ACLY: variants seen among roughly 807,000 people sequenced by gnomAD.
ACLY encodes ATP citrate lyase.
Under a neutral mutation model 133.0 loss-of-function variants are expected in ACLY, and 41 were observed. The ratio of observed to expected loss-of-function variants is 0.31; its 90% CI spans 0.24 to 0.40. The LOEUF (loss-of-function observed/expected upper bound fraction) is 0.40, where lower values mean the gene tolerates loss of function less well. Among genes scored for constraint, ACLY ranks in the 10% least tolerant of loss-of-function variants. The pLI, the probability that ACLY is intolerant of heterozygous loss-of-function variation, is 1.00. For missense variants in ACLY, 1,046 were observed against 1,453.8 expected, an observed-to-expected ratio of 0.72 and a Z score of 4.56; for synonymous variants, 495 against 549.3, an observed-to-expected ratio of 0.90 and a Z score of 1.38.
At position 41,901,669 on chromosome 17, in the gene ACLY, G is replaced by C. The variant is rs1555631627; in HGVS notation, c.1183+27C>G. On this transcript the variant is annotated intron_variant, in intron 11 of 28. Transcript: ENST00000352035. ...GGAAGGCCACCCACACTCAGGGTGA[G>C]GGGGAGAGAAAAGGTCCTCATCTTA... The C allele has an allele frequency of 3.1e-6, 5 of 1,588,100 alleles. No homozygotes were observed. In the East Asian group the frequency reaches 6.8e-5, roughly 21 times the overall value.
chr17:41,869,587 T>C lies in ACLY; in HGVS notation c.2938A>G (p.Ile980Val). ...TGCACTCGCATGTCTGGGTTGTTTATCTAGAAATGAACCCAACGGTACAGA... is the reference window on the plus strand; with the variant it reads ...TGCACTCGCATGTCTGGGTTGTTTACCTAGAAATGAACCCAACGGTACAGA... ...IMGIGHRVKS[I>V]NNPDMRVQIL... Residue 980 changes from isoleucine (I) to valine (V), a missense_variant and splice_region_variant, in exon 26 of 29, where the codon ATA becomes GTA. Physicochemically the swap from Ile to Val is conservative, Grantham distance 29. This residue lies in a region of ACLY where 205 missense variants were observed against 373.3 expected (regional missense o/e 0.55). Transcript: ENST00000352035. 1 of 1,612,902 alleles carries C rather than the reference T, an allele frequency of 6.2e-7. No homozygotes were observed.
intron 17 of ACLY, among the ~76,000 whole-genome samples, 165 bp from the exon 18 acceptor site, chr17:41,886,473 CCT>C (rs1245672503): frequency 6.6e-6 from 1 of 152,102 alleles, no homozygotes; most frequent in Non-Finnish European, 1.5e-5. Context: ...AGGAAAGTCT[CCT>C]CTCTCTCTCA....
intron 22 of ACLY, among the ~76,000 whole-genome samples, chr17:41,876,317 C>G (rs2048755366): frequency 6.6e-6 from 1 of 151,458 alleles, no homozygotes; most frequent in Non-Finnish European, 1.5e-5. Flanking sequence ...GCCCGGCCAG[C>G]CGCCCCGTCC....
At chr17:41,871,185 A>G (rs2048587718) in intron 25 of ACLY, among the ~76,000 whole-genome samples, 1 of 152,212 alleles carries the variant, frequency 6.6e-6, no homozygotes, top group Non-Finnish European at 1.5e-5. Context: ...GAACGACAGA[A>G]AAACTGTTAA....
chr17:41,872,227 T>C (rs2048616621), intron 23 of ACLY, 45 bp from the exon 24 acceptor site: 3 of 1,578,054 alleles, frequency 1.9e-6, no homozygotes, highest in Non-Finnish European at 1.7e-6. Flanking sequence ...GACAAGGCCA[T>C]GCTCGTACTT....
chr17:41,882,590 T>C (rs782701019), intron 20 of ACLY, among the ~76,000 whole-genome samples: 5 of 151,950 alleles, frequency 3.3e-5, no homozygotes, highest in Non-Finnish European at 7.4e-5. Flanking sequence ...CTCAGAAGCT[T>C]AGCAGACAGC....
intron 1 of ACLY, among the ~76,000 whole-genome samples, chr17:41,917,648 G>A (rs1268341655): frequency 6.6e-6 from 1 of 152,140 alleles, no homozygotes; most frequent in Non-Finnish European, 1.5e-5. Flanking sequence ...ACTTACGTAT[G>A]TAGGTATTTA....
chr17:41,911,051 C>T (rs966139472), intron 3 of ACLY, among the ~76,000 whole-genome samples: 2 of 152,200 alleles, frequency 1.3e-5, no homozygotes, highest in African/African-American at 2.4e-5. Flanking sequence ...TCCCTCCAAT[C>T]CCACCATCCT....
chr17:41,903,155 A>G (rs2049587195), intron 10 of ACLY, among the ~76,000 whole-genome samples: 1 of 152,134 alleles, frequency 6.6e-6, no homozygotes. Flanking sequence ...CAAAACTCAC[A>G]TGGATCCACC....
intron 25 of ACLY, 61 bp from the exon 26 acceptor site, chr17:41,869,648 T>C (rs1257527707): frequency 2.1e-6 from 3 of 1,414,696 alleles, no homozygotes; most frequent in Non-Finnish European, 3.0e-6. Context: ...TGTTTGTTCA[T>C]ACTTGTGTTA....
At chr17:41,878,765 G>A (rs2144240805) in intron 21 of ACLY, 32 bp downstream of exon 21, 2 of 1,612,444 alleles carry the variant, frequency 1.2e-6, no homozygotes, top group African/African-American at 2.7e-5. Flanking sequence ...GAAAGGAGGG[G>A]GAGGCCGGCA....
chr17:41,906,208 C>G (rs1378393310), intron 8 of ACLY, among the ~76,000 whole-genome samples: 3 of 152,210 alleles, frequency 2.0e-5, no homozygotes, highest in Admixed American at 2.0e-4. Context: ...ACTGGGGTGA[C>G]CTGGTCAGGG....
chr17:41,882,367 C>CAAA lies in ACLY; in HGVS notation c.2265+752_2265+754dup, dbSNP rs34078258. Among the ~76,000 whole-genome samples, 147 of 40,234 alleles carry CAAA rather than the reference C, an allele frequency of 3.7e-3. 15 individuals carry two copies. Among genetic ancestry groups the CAAA allele is most frequent in the African/African-American group, 0.015 (141 of 9,370 alleles). The allele number at this position is 40,234 out of a possible 152,430, so 26.4% of individuals were successfully genotyped here. A position where few individuals can be genotyped will look rare whatever the true frequency, so the allele number is the denominator to read the frequency against. On this transcript the variant is annotated intron_variant, in intron 20 of 28. Transcript: ENST00000352035. ...GGGCGACAGAGTGAGACCCTGTCTCCAAAAAAAAAAAAAAAAAAAAAAAAA... is the reference window on the plus strand; with the variant it reads ...GGGCGACAGAGTGAGACCCTGTCTCCAAAAAAAAAAAAAAAAAAAAAAAAAAAA...
chr17:41,886,624 T>C (rs1555628190), intron 17 of ACLY, among the ~76,000 whole-genome samples: 1 of 152,150 alleles, frequency 6.6e-6, no homozygotes, highest in African/African-American at 2.4e-5. Context: ...GCTCCATTTT[T>C]TTAATACAGT....
chr17:41,916,626 C>G (rs552686954), intron 1 of ACLY, among the ~76,000 whole-genome samples: 50 of 151,790 alleles, frequency 3.3e-4, no homozygotes, highest in Non-Finnish European at 2.9e-5. Context: ...CCACCCACCT[C>G]AGCCTCCCAA....
chr17:41,907,018 G>A (rs1339833895), intron 7 of ACLY, among the ~76,000 whole-genome samples: 5 of 152,080 alleles, frequency 3.3e-5, no homozygotes, highest in South Asian at 2.1e-4. Context: ...AGACGAGACC[G>A]TCTCCTAGCC....
chr17:41,909,354 G>A (rs1170041690), intron 5 of ACLY, among the ~76,000 whole-genome samples, 156 bp downstream of exon 5: 1 of 152,150 alleles, frequency 6.6e-6, no homozygotes, highest in African/African-American at 2.4e-5. Context: ...TTCCAAGCCA[G>A]TCCCCGCCCT....
At chr17:41,893,719 C>T (rs1403363213) in intron 14 of ACLY, among the ~76,000 whole-genome samples, 1 of 151,924 alleles carries the variant, frequency 6.6e-6, no homozygotes, top group Non-Finnish European at 1.5e-5. Flanking sequence ...GTTTGTGCAG[C>T]CGGGGCTGAG....
chr17:41,873,718 C>T (rs993839134), intron 23 of ACLY, 93 bp downstream of exon 23: 6 of 1,353,654 alleles, frequency 4.4e-6, no homozygotes, highest in Non-Finnish European at 5.8e-6. Context: ...CTTGGACACA[C>T]TCCCCAGGCC....
Sources: gnomAD v4.1 joint callset for allele counts (sites outside exome capture counted in the v4.1 genomes callset) on GRCh38, gnomAD v4.1.1 for gene constraint, gnomAD v4.1.1 regional missense constraint, MANE v1.5 for transcripts, NCBI Gene and HGNC (gene_info 2026-07-23, HGNC 2026-07-21) for gene names.